Variants in SLC2A13 observed in about 807,000 individuals in gnomAD.
The protein encoded by SLC2A13 is proton myo-inositol cotransporter.
Under a neutral mutation model 64.4 loss-of-function variants are expected in SLC2A13, and 32 were observed. The ratio of observed to expected loss-of-function variants is 0.50; its 90% CI spans 0.37 to 0.67. The LOEUF is 0.67. Ranked by LOEUF, SLC2A13 falls within the 30% of genes least tolerant of loss-of-function variation. The pLI is 0.00. For synonymous variants in SLC2A13, 338 were observed against 327.1 expected, an observed-to-expected ratio of 1.03 and a Z score of -0.36; for missense variants, 743 against 829.2, an observed-to-expected ratio of 0.90 and a Z score of 1.28.
intron 4 of SLC2A13, among the ~76,000 whole-genome samples, chr12:39,903,748 G>T (rs1241034462): frequency 1.3e-5 from 2 of 152,024 alleles, no homozygotes; most frequent in African/African-American, 4.8e-5. Context: ...TCCAACTGAA[G>T]CAAGCTCTAT....
intron 3 of SLC2A13, among the ~76,000 whole-genome samples, chr12:39,965,400 T>C (rs1381856133): frequency 6.6e-6 from 1 of 152,182 alleles, no homozygotes; most frequent in Non-Finnish European, 1.5e-5. Context: ...TGTTAAAGTC[T>C]CCTCTTGTTA....
intron 1 of SLC2A13, among the ~76,000 whole-genome samples, chr12:40,097,568 C>T (rs1938993736): frequency 6.6e-6 from 1 of 152,102 alleles, no homozygotes; most frequent in South Asian, 2.1e-4. Context: ...CGTGAAAATG[C>T]AATAAACAAT....
At position 40,001,887 on chromosome 12, in the gene SLC2A13, T is replaced by C. The variant is rs373477440; in HGVS notation, c.925+26414A>G. Among the ~76,000 whole-genome samples, 10 of 152,350 alleles carry C rather than the reference T, an allele frequency of 6.6e-5. No individual in the cohort carries two copies. The East Asian group carries it at 1.7e-3, about 26-fold the overall frequency. On this transcript the variant is annotated intron_variant, in intron 3 of 9. Coordinates refer to ENST00000280871, the MANE Select transcript of SLC2A13 (RefSeq NM_052885.4). ...CATTTTCGTTGATAATTTATTTCAC[T>C]AGGATAAATAACTGGGTAAACATAA...
chr12:39,908,594 G>A (rs889408233), intron 4 of SLC2A13, among the ~76,000 whole-genome samples: 2 of 151,890 alleles, frequency 1.3e-5, no homozygotes, highest in African/African-American at 2.4e-5. Context: ...GCCAGGATGT[G>A]GCTGAGGAGG....
chr12:39,830,669 GT>G (rs34446423), intron 6 of SLC2A13, among the ~76,000 whole-genome samples: 2,341 of 151,424 alleles, frequency 0.015, 27 homozygotes, highest in Middle Eastern at 0.024. Context: ...AATGAAAATA[GT>G]TTTTTTTTCT....
At chr12:40,008,826 A>G (rs1047496653) in intron 3 of SLC2A13, among the ~76,000 whole-genome samples, 1 of 152,234 alleles carries the variant, frequency 6.6e-6, no homozygotes, top group African/African-American at 2.4e-5. Context: ...ACTTCTAGAT[A>G]TCTACCCTAG....
intron 1 of SLC2A13, among the ~76,000 whole-genome samples, chr12:40,085,980 A>C (rs1938575843): frequency 1.3e-5 from 2 of 152,166 alleles, no homozygotes; most frequent in Non-Finnish European, 2.9e-5. Flanking sequence ...CTGGGATTAA[A>C]GGCACATGCC....
rs972677019 is a variant in SLC2A13, at chr12:39,755,657, CTTT to C, written c.*4366_*4368del. On this transcript the variant is annotated 3_prime_UTR_variant, in exon 10 of 10. Transcript: ENST00000280871. ...TACTCATTAGCTGCATGATCCACTT[CTTT>C]TTCTCATTTATGCTGACATGACAAA... The C allele has an allele frequency of 1.3e-5, 2 of 152,016 alleles. No individual in the cohort carries two copies. The highest frequency in any genetic ancestry group is 4.8e-5 in the African/African-American group (2 of 41,408). 9.4% of individuals were successfully genotyped at this position (152,016 alleles called of 1,614,324 possible).
intron 6 of SLC2A13, among the ~76,000 whole-genome samples, chr12:39,850,853 T>TA (rs1358691070): frequency 6.6e-6 from 1 of 152,056 alleles, no homozygotes; most frequent in Non-Finnish European, 1.5e-5. Flanking sequence ...TTTACAATGA[T>TA]AAAAATGAAA....
chr12:39,849,735 A>G (rs1943415860), intron 6 of SLC2A13, among the ~76,000 whole-genome samples: 1 of 151,964 alleles, frequency 6.6e-6, no homozygotes. Context: ...TTATGTGTAG[A>G]TTTCTTAGCC....
intron 4 of SLC2A13, among the ~76,000 whole-genome samples, chr12:39,884,862 A>C (rs1944431974): frequency 6.6e-6 from 1 of 152,230 alleles, no homozygotes; most frequent in South Asian, 2.1e-4. Flanking sequence ...GCAAGTTATC[A>C]CAGGGTTTAG....
At chr12:39,896,292 G>GTGTATATATGTATACATATATGTATGTA (rs1565527833) in intron 4 of SLC2A13, among the ~76,000 whole-genome samples, 12 of 36,840 alleles carry the variant, frequency 3.3e-4, no homozygotes, top group East Asian at 2.2e-3. Context: ...GTATGTATAT[G>GTGTATATATGTATACATATATGTATGTA]TGTGTATATA....
At chr12:40,052,426 A>C (rs912578796) in intron 1 of SLC2A13, among the ~76,000 whole-genome samples, 2 of 152,118 alleles carry the variant, frequency 1.3e-5, no homozygotes, top group Non-Finnish European at 1.5e-5. Context: ...AGAAAAGAAA[A>C]CATGGGCAAA....
At chr12:39,777,764 C>A (rs542308669) in intron 7 of SLC2A13, among the ~76,000 whole-genome samples, 12 of 152,330 alleles carry the variant, frequency 7.9e-5, no homozygotes, top group African/African-American at 2.4e-4. Flanking sequence ...GGCAGAATGA[C>A]ATGGAGTTTG....
intron 6 of SLC2A13, among the ~76,000 whole-genome samples, chr12:39,835,044 G>T (rs1942968524): frequency 6.6e-6 from 1 of 152,016 alleles, no homozygotes; most frequent in Admixed American, 6.6e-5. Context: ...TTTCGGTAAG[G>T]TTTTCTAAAT....
intron 3 of SLC2A13, among the ~76,000 whole-genome samples, chr12:39,963,780 T>C (rs1946457236): frequency 6.6e-6 from 1 of 152,226 alleles, no homozygotes; most frequent in African/African-American, 2.4e-5. Context: ...TATTGAGTAA[T>C]ATTCTATTAG....
chr12:39,786,716 C>A (rs1190554919), intron 7 of SLC2A13, among the ~76,000 whole-genome samples: 1 of 152,138 alleles, frequency 6.6e-6, no homozygotes, highest in East Asian at 1.9e-4. Flanking sequence ...AGTATTAAAT[C>A]TGGGCTCAGC....
chr12:39,771,141 A>G (rs988635523), intron 7 of SLC2A13, among the ~76,000 whole-genome samples: 1 of 152,112 alleles, frequency 6.6e-6, no homozygotes, highest in Non-Finnish European at 1.5e-5. Context: ...TTAGACTCCG[A>G]GTGTGTGTCC....
chr12:39,969,754 G>A (rs1946607073), intron 3 of SLC2A13, among the ~76,000 whole-genome samples: 1 of 152,092 alleles, frequency 6.6e-6, no homozygotes, highest in Non-Finnish European at 1.5e-5. Flanking sequence ...GTAGGTTGCT[G>A]TTCACTCTGA....
Sources: gnomAD v4.1 joint callset for allele counts (sites outside exome capture counted in the v4.1 genomes callset) on GRCh38, gnomAD v4.1.1 for gene constraint, MANE v1.5 for transcripts, NCBI Gene and HGNC (gene_info 2026-07-23, HGNC 2026-07-21) for gene names.